Variants in PALM2AKAP2 observed in about 807,000 individuals in gnomAD.
The protein encoded by PALM2AKAP2 is PALM2 and AKAP2 fusion, also known as PALM2-AKAP2 fusion protein.
A neutral mutation model predicts 71.5 loss-of-function variants in PALM2AKAP2; 37 were observed. The observed-to-expected ratio is 0.52, with a 90% CI of 0.40 to 0.68. The LOEUF is 0.68. PALM2AKAP2 is among the 30% of genes least tolerant of loss of function. The probability of loss-of-function intolerance (pLI) is 0.00; values close to 1 mark genes in which losing one functional copy is unlikely to be tolerated. For synonymous variants in PALM2AKAP2, 468 were observed against 478.8 expected, an observed-to-expected ratio of 0.98 and a Z score of 0.29; for missense variants, 1,224 against 1,191.8, an observed-to-expected ratio of 1.03 and a Z score of -0.40.
chr9:109,805,295 T>G (rs1827541371), intron 1 of PALM2AKAP2, among the ~76,000 whole-genome samples: 1 of 152,254 alleles, frequency 6.6e-6, no homozygotes, highest in Non-Finnish European at 1.5e-5. Flanking sequence ...ATCTGCAGAC[T>G]AAGCCATGTG....
intron 1 of PALM2AKAP2, among the ~76,000 whole-genome samples, chr9:109,691,379 C>A (rs139694233): frequency 6.6e-6 from 1 of 152,102 alleles, no homozygotes; most frequent in African/African-American, 2.4e-5. Flanking sequence ...CCTCTTGGAT[C>A]TTTGAGAGAT....
At chr9:109,757,581 A>G (rs1039533004) in intron 1 of PALM2AKAP2, among the ~76,000 whole-genome samples, 1 of 152,136 alleles carries the variant, frequency 6.6e-6, no homozygotes, top group African/African-American at 2.4e-5. Context: ...CAAGTTATAT[A>G]AATGGTGCCC....
intron 6 of PALM2AKAP2, among the ~76,000 whole-genome samples, chr9:110,007,523 C>T (rs1020322590): frequency 6.6e-6 from 1 of 152,184 alleles, no homozygotes; most frequent in South Asian, 2.1e-4. Context: ...AAAAGGAGGT[C>T]TGTTCCTAAG....
intron 7 of PALM2AKAP2, among the ~76,000 whole-genome samples, chr9:110,026,005 C>G (rs1833175647): frequency 6.6e-6 from 1 of 152,152 alleles, no homozygotes; most frequent in Non-Finnish European, 1.5e-5. Flanking sequence ...TCACTGCCCT[C>G]TCCACCACTA....
chr9:109,819,501 G>A (rs1234085706), intron 1 of PALM2AKAP2, among the ~76,000 whole-genome samples: 2 of 152,138 alleles, frequency 1.3e-5, no homozygotes, highest in African/African-American at 4.8e-5. Flanking sequence ...TTTTGACGTG[G>A]CCAATATGAT....
At chr9:109,677,758 C>T (rs1484296201) in intron 1 of PALM2AKAP2, among the ~76,000 whole-genome samples, 1 of 152,050 alleles carries the variant, frequency 6.6e-6, no homozygotes, top group African/African-American at 2.4e-5. Context: ...TGCCTCAAGC[C>T]CCTAACTTCA....
chr9:109,927,052 G>A (rs1181925543), intron 5 of PALM2AKAP2, among the ~76,000 whole-genome samples: 1 of 152,156 alleles, frequency 6.6e-6, no homozygotes, highest in African/African-American at 2.4e-5. Flanking sequence ...TTAAGAGGAT[G>A]CAAAAGTCTT....
At chr9:109,836,770 A>G (rs147861947) in intron 1 of PALM2AKAP2, among the ~76,000 whole-genome samples, 3,868 of 152,354 alleles carry the variant, frequency 0.025, 72 homozygotes, top group Non-Finnish European at 0.04. Flanking sequence ...ACTGGAAGAA[A>G]GGGTATCAGT....
At chr9:110,043,740 G>T (rs1388326135), upstream of PALM2AKAP2, among the ~76,000 whole-genome samples, 2 of 32,912 alleles carry the variant, frequency 6.1e-5, no homozygotes, top group African/African-American at 1.8e-4. Context: ...TTTTTTTTTG[G>T]AGACAGTCTC....
At chr9:109,989,574 C>T (rs961421624) in intron 6 of PALM2AKAP2, among the ~76,000 whole-genome samples, 2 of 152,184 alleles carry the variant, frequency 1.3e-5, no homozygotes, top group Non-Finnish European at 2.9e-5. Context: ...ACATTTTTCT[C>T]TAATATTTGT....
At chr9:110,012,094 A>G (rs1463634747) in intron 6 of PALM2AKAP2, among the ~76,000 whole-genome samples, 2 of 152,202 alleles carry the variant, frequency 1.3e-5, no homozygotes, top group African/African-American at 4.8e-5. Flanking sequence ...CAGGAGTTAG[A>G]CCGGTCTGAC....
At chr9:109,902,694 C>T (rs886251798) in intron 3 of PALM2AKAP2, among the ~76,000 whole-genome samples, 11 of 152,208 alleles carry the variant, frequency 7.2e-5, no homozygotes, top group Non-Finnish European at 1.0e-4. Context: ...GAGTAGAGGA[C>T]CTCATGGCCA....
chr9:109,753,440 C>T (rs578116916), intron 1 of PALM2AKAP2, among the ~76,000 whole-genome samples: 1 of 152,270 alleles, frequency 6.6e-6, no homozygotes, highest in East Asian at 1.9e-4. Flanking sequence ...TCGAGGAAAG[C>T]CATTGGAAAC....
intron 2 of PALM2AKAP2, among the ~76,000 whole-genome samples, chr9:110,139,078 G>A (rs1343987010): frequency 6.6e-6 from 1 of 152,172 alleles, no homozygotes; most frequent in African/African-American, 2.4e-5. Flanking sequence ...GTGTAACTGG[G>A]TTTTTCTTCT....
intron 6 of PALM2AKAP2, among the ~76,000 whole-genome samples, chr9:109,970,162 A>G (rs1832038742): frequency 6.6e-6 from 1 of 152,190 alleles, no homozygotes; most frequent in Non-Finnish European, 1.5e-5. Flanking sequence ...TTTTCTTTTA[A>G]GCTTCCAGTT....
Position 109,998,771 on chromosome 9 carries a change from A to G in PALM2AKAP2, c.497-17183A>G, listed in dbSNP as rs530648590. On this transcript the variant is annotated intron_variant, in intron 6 of 9. Transcript: ENST00000302798. ...GACAGCGAGACCCTGTCGCAAAAAA[A>G]AAAAAAAAAAAGGGGGGATAGTCCA... Among the ~76,000 whole-genome samples, 202 of 151,100 alleles carry G rather than the reference A, an allele frequency of 1.3e-3. 2 individuals carry two copies. Among genetic ancestry groups the G allele is most frequent in the African/African-American group, 4.4e-3 (179 of 41,100 alleles).
At chr9:109,977,763 A>T (rs1007957895) in intron 6 of PALM2AKAP2, among the ~76,000 whole-genome samples, 1 of 151,206 alleles carries the variant, frequency 6.6e-6, no homozygotes, top group Non-Finnish European at 1.5e-5. Context: ...TCTGCCCTTC[A>T]CCCCCTGCCT....
intron 1 of PALM2AKAP2, among the ~76,000 whole-genome samples, chr9:110,085,613 CATAGT>C (rs57509654): frequency 5.0e-4 from 76 of 152,286 alleles, no homozygotes; most frequent in African/African-American, 1.7e-3. Flanking sequence ...GACAAGAAAA[CATAGT>C]ATACTCTGTA....
chr9:109,738,649 A>G (rs1014175041), intron 1 of PALM2AKAP2, among the ~76,000 whole-genome samples: 4 of 152,346 alleles, frequency 2.6e-5, no homozygotes, highest in South Asian at 2.1e-4. Flanking sequence ...AGAAAAAGGG[A>G]GTCAACAGAG....
Sources: allele counts gnomAD v4.1 joint callset (sites outside exome capture counted in the v4.1 genomes callset), GRCh38; gene constraint gnomAD v4.1.1; transcripts MANE v1.5; gene names NCBI Gene and HGNC (gene_info 2026-07-23, HGNC 2026-07-21).